ZNF292: variants seen among roughly 807,000 people sequenced by gnomAD.
The protein encoded by ZNF292 is zinc finger protein 292, also known as 16 zinc-finger domain protein.
In ZNF292, 26 loss-of-function variants were observed where a neutral mutation model predicts 217.9. The ratio of observed to expected loss-of-function variants is 0.12; its 90% CI spans 0.09 to 0.17. The LOEUF is 0.17. Ranked by LOEUF, ZNF292 falls within the 10% of genes least tolerant of loss-of-function variation. ZNF292 has a pLI of 1.00. For synonymous variants in ZNF292, 1,257 were observed against 1,124.1 expected, an observed-to-expected ratio of 1.12 and a Z score of -2.37; for missense variants, 2,904 against 3,175.2, an observed-to-expected ratio of 0.91 and a Z score of 2.05.
At chr6:87,187,657 G>T (rs1342872029) in intron 1 of ZNF292, among the ~76,000 whole-genome samples, 1 of 146,578 alleles carries the variant, frequency 6.8e-6, no homozygotes, top group Non-Finnish European at 1.5e-5. Context: ...GGAGGTTGCA[G>T]TGAGCCAAGA....
At position 87,233,518 on chromosome 6, in the gene ZNF292, A is replaced by G. The variant is rs1262197368; in HGVS notation, c.732A>G (p.Leu244=). The change falls in exon 5 of 8, where the codon TTA becomes TTG. Residue 244 remains leucine (L), a synonymous_variant. Coordinates refer to ENST00000369577, the MANE Select transcript of ZNF292 (RefSeq NM_015021.3). Reference sequence around the variant, plus strand: ...GTACATCATCACCAAATGGAAAGTTAATCGAAGAGGTGAGTATGTTTTCTT... The same window carrying G: ...GTACATCATCACCAAATGGAAAGTTGATCGAAGAGGTGAGTATGTTTTCTT... ...CLCTSSPNGK[L]IEEISEVDCK... 1 of 1,610,178 alleles carries G rather than the reference A, an allele frequency of 6.2e-7. No individual in the cohort carries two copies. The highest frequency in any genetic ancestry group is 2.2e-5 in the East Asian group (1 of 44,778).
Position 87,261,731 on chromosome 6 carries a change from C to G in ZNF292, c.8102C>G (p.Ser2701Ter). 1 of 1,612,918 alleles carries G rather than the reference C, an allele frequency of 6.2e-7. No individual in the cohort carries two copies. Among genetic ancestry groups the G allele is most frequent in the African/African-American group, 1.3e-5 (1 of 74,958 alleles). Reference sequence around the variant, plus strand: ...AGTCTGAAAAAACTTGAAGTACATTCAAATGATCCAGATATGTCTGTTATG... The same window carrying G: ...AGTCTGAAAAAACTTGAAGTACATTGAAATGATCCAGATATGTCTGTTATG... ...TVSLKKLEVH[S>*]NDPDMSVMKD... Residue 2701 changes from serine to a stop codon, truncating the protein, a stop_gained, in exon 8 of 8, where the codon TCA becomes TGA. Coordinates refer to ENST00000369577, the MANE Select transcript of ZNF292 (RefSeq NM_015021.3). LOFTEE classifies it high-confidence loss of function.
chr6:87,224,080 T>C (rs964880947), intron 4 of ZNF292: 41 of 152,344 alleles, frequency 2.7e-4, no homozygotes, highest in African/African-American at 9.6e-4. Context: ...TTTTCCACCA[T>C]TGGCCATCCA....
At chr6:87,191,424 A>G (rs1191751929) in intron 1 of ZNF292, among the ~76,000 whole-genome samples, 1 of 152,212 alleles carries the variant, frequency 6.6e-6, no homozygotes. Context: ...TTAGATTGTT[A>G]ACAATGTTTG....
rs1270731479 is a variant in ZNF292 at position 87,259,904 on chromosome 6, A to G, written c.6275A>G (p.Lys2092Arg). Residue 2092 changes from lysine (K) to arginine (R), a missense_variant, in exon 8 of 8, where the codon AAA becomes AGA. By Grantham distance (26) the Lys-to-Arg change is conservative. Coordinates refer to ENST00000369577, the MANE Select transcript of ZNF292 (RefSeq NM_015021.3). Reference protein sequence around the residue: ...IRRHKKEKEEKKRKKPVSQSL... With the variant: ...IRRHKKEKEERKRKKPVSQSL... The stretch of plus-strand genomic sequence containing the variant: ...AGGCATAAAAAAGAAAAGGAGGAGA[A>G]AAAACGAAAGAAGCCAGTTTCCCAA... The G allele has an allele frequency of 1.2e-6, 2 of 1,613,612 alleles. No individual in the cohort carries two copies. Among genetic ancestry groups the G allele is most frequent in the African/African-American group, 1.3e-5 (1 of 75,036 alleles).
At chr6:87,249,353 CTGGG>C in intron 7 of ZNF292, 1 of 432,350 alleles carries the variant, frequency 2.3e-6, no homozygotes, top group Non-Finnish European at 4.6e-6. Flanking sequence ...TCTCCAACTC[CTGGG>C]CTCAAGTAAT....
chr6:87,250,035 A>AAC (rs1164584938), intron 7 of ZNF292, among the ~76,000 whole-genome samples: 1 of 142,948 alleles, frequency 7.0e-6, no homozygotes, highest in South Asian at 2.3e-4. Flanking sequence ...AAAAAAAAAA[A>AAC]ACAAAAAAAA....
chr6:87,213,003 C>T (rs962001414), intron 1 of ZNF292, among the ~76,000 whole-genome samples: 1 of 152,060 alleles, frequency 6.6e-6, no homozygotes, highest in Non-Finnish European at 1.5e-5. Context: ...TGAAAATCAC[C>T]TGACAAACAG....
chr6:87,185,988 A>G (rs1158735329), intron 1 of ZNF292, among the ~76,000 whole-genome samples: 1 of 152,136 alleles, frequency 6.6e-6, no homozygotes, highest in Admixed American at 6.5e-5. Flanking sequence ...GATTTTTATG[A>G]AAGTTTCATT....
chr6:87,242,324 C>T (rs1227115461), intron 5 of ZNF292, among the ~76,000 whole-genome samples: 3 of 151,990 alleles, frequency 2.0e-5, no homozygotes, highest in Admixed American at 6.6e-5. Flanking sequence ...GTTGAACACA[C>T]GATTTTTTTT....
rs1424466426 is a variant in ZNF292 at position 87,265,131 on chromosome 6, G to A, written c.*3330G>A. 6.6e-6 allele frequency among the ~76,000 whole-genome samples: 1 copy of A among 151,080 alleles called. No homozygotes were observed. The highest frequency in any genetic ancestry group is 1.5e-5 in the Non-Finnish European group (1 of 67,828). On this transcript the variant is annotated 3_prime_UTR_variant, in exon 8 of 8. Transcript: ENST00000369577. ...TCTTTTTTTTTCTTTGTTTTTTTTGGAGACAGAGTCTCGCTCTGTTGCCCA... is the reference window on the plus strand; with the variant it reads ...TCTTTTTTTTTCTTTGTTTTTTTTGAAGACAGAGTCTCGCTCTGTTGCCCA...
At position 87,256,789 on chromosome 6, in the gene ZNF292, G is replaced by A. The variant is rs1169094937; in HGVS notation, c.3160G>A (p.Val1054Ile). Residue 1054 changes from valine to isoleucine, a missense_variant, in exon 8 of 8, where the codon GTT (valine) becomes ATT (isoleucine). By Grantham distance (29) the Val-to-Ile change is conservative. This residue lies in a region of ZNF292 where 687 missense variants were observed against 623.0 expected (regional missense o/e 1.10). Coordinates refer to ENST00000369577, the MANE Select transcript of ZNF292 (RefSeq NM_015021.3). ...TTCCAAATTTGAATGTGGAGATAAT[G>A]TTAAAACATCATCCAATCTTTATAA... ...PTSKFECGDN[V>I]KTSSNLYNLP... 6.2e-7 allele frequency: 1 copy of A among 1,613,002 alleles called. No homozygotes were observed. Among genetic ancestry groups the A allele is most frequent in the African/African-American group, 1.3e-5 (1 of 74,912 alleles).
intron 1 of ZNF292, among the ~76,000 whole-genome samples, chr6:87,156,623 C>T (rs949313183): frequency 2.9e-4 from 44 of 152,162 alleles, no homozygotes; most frequent in African/African-American, 1.1e-3. Flanking sequence ...ATTTGGCTTC[C>T]TGATGAAGTG....
At chr6:87,249,826 C>T (rs778157112) in intron 7 of ZNF292, among the ~76,000 whole-genome samples, 28 of 152,032 alleles carry the variant, frequency 1.8e-4, no homozygotes, top group Non-Finnish European at 8.8e-5. Flanking sequence ...TCTCGTGCCT[C>T]AGCCTCTTGA....
At chr6:87,253,220 CTTTTTTT>C (rs66511840) in intron 7 of ZNF292, among the ~76,000 whole-genome samples, 21 of 118,968 alleles carry the variant, frequency 1.8e-4, no homozygotes, top group Non-Finnish European at 2.2e-4. Flanking sequence ...CATGCCCAGC[CTTTTTTT>C]TTTTTTTTTT....
Position 87,244,966 on chromosome 6 carries a change from C to T in ZNF292, c.879-537C>T, listed in dbSNP as rs192260586. Among the ~76,000 whole-genome samples, 5 of 152,194 alleles carry T rather than the reference C, an allele frequency of 3.3e-5. No homozygotes were observed. In the East Asian group the frequency reaches 9.6e-4, roughly 29 times the overall value. ...GTTTAAATGTTAAATGCTGGCCGGG[C>T]ACAGTGGCTCATGCCTGTAATCCCA... is the stretch of plus-strand genomic sequence containing the variant. On this transcript the variant is annotated intron_variant, in intron 6 of 7. Coordinates refer to ENST00000369577, the MANE Select transcript of ZNF292 (RefSeq NM_015021.3).
chr6:87,189,303 G>C (rs1771756616), intron 1 of ZNF292, among the ~76,000 whole-genome samples: 2 of 152,046 alleles, frequency 1.3e-5, no homozygotes, highest in African/African-American at 4.8e-5. Flanking sequence ...GGGGAAGATA[G>C]TATAGTGAGT....
chr6:87,217,446 C>T (rs917032896), intron 3 of ZNF292, among the ~76,000 whole-genome samples: 9 of 152,000 alleles, frequency 5.9e-5, no homozygotes, highest in African/African-American at 1.9e-4. Context: ...TATTCTACTT[C>T]GGATATCCGT....
intron 4 of ZNF292, among the ~76,000 whole-genome samples, chr6:87,229,525 C>G (rs1211838542): frequency 6.6e-6 from 1 of 152,194 alleles, no homozygotes; most frequent in Non-Finnish European, 1.5e-5. Context: ...CTCCCGGGTT[C>G]AAGCAATTCT....
Sources: gnomAD v4.1 joint callset for allele counts (sites outside exome capture counted in the v4.1 genomes callset) on GRCh38, gnomAD v4.1.1 for gene constraint, gnomAD v4.1.1 regional missense constraint, MANE v1.5 for transcripts, NCBI Gene and HGNC (gene_info 2026-07-23, HGNC 2026-07-21) for gene names.